The following DAAM2 variants were observed in gnomAD, a reference collection of about 807,000 sequenced individuals.
DAAM2 encodes the protein disheveled-associated activator of morphogenesis 2.
A neutral mutation model predicts 120.7 loss-of-function variants in DAAM2; 39 were observed. The ratio of observed to expected loss-of-function variants is 0.32; its 90% CI spans 0.25 to 0.42. The LOEUF is 0.42. Among genes scored for constraint, DAAM2 ranks in the 10% least tolerant of loss-of-function variants. DAAM2 has a pLI of 1.00. For synonymous variants in DAAM2, 488 were observed against 524.9 expected, an observed-to-expected ratio of 0.93 and a Z score of 0.96; for missense variants, 1,283 against 1,401.7, an observed-to-expected ratio of 0.92 and a Z score of 1.35.
chr6:39,811,750 A>C (rs913575), intron 1 of DAAM2, among the ~76,000 whole-genome samples: 121,275 of 152,058 alleles, frequency 0.8, 48,500 homozygotes, highest in East Asian at 0.91. Flanking sequence ...AGGTTACTAG[A>C]GCTCTTGGCA....
chr6:39,862,389 G>A (rs1764246912), intron 3 of DAAM2: 1 of 152,022 alleles, frequency 6.6e-6, no homozygotes, highest in African/African-American at 2.4e-5. Flanking sequence ...AAGAAGGAAG[G>A]AAGGAAAGAA....
intron 1 of DAAM2, among the ~76,000 whole-genome samples, chr6:39,837,663 C>CAAAAA (rs758751293): frequency 0.041 from 1,532 of 37,462 alleles, 64 homozygotes; most frequent in African/African-American, 0.08. Flanking sequence ...AACTCCATCT[C>CAAAAA]AAAAAAAAAA....
At chr6:39,866,036 C>A (rs1271806516) in intron 5 of DAAM2, among the ~76,000 whole-genome samples, 1 of 152,200 alleles carries the variant, frequency 6.6e-6, no homozygotes, top group East Asian at 1.9e-4. Flanking sequence ...TTCACCCTTC[C>A]CCTGGCGAAA....
chr6:39,853,205 T>C (rs1244615466), intron 1 of DAAM2, among the ~76,000 whole-genome samples: 2 of 152,146 alleles, frequency 1.3e-5, no homozygotes, highest in Non-Finnish European at 2.9e-5. Context: ...TACCATGAAG[T>C]GACCTGATTT....
intron 3 of DAAM2, 144 bp downstream of exon 3, chr6:39,861,161 T>G (rs916922486): frequency 2.7e-6 from 2 of 729,824 alleles, no homozygotes; most frequent in East Asian, 2.7e-5. Context: ...GTGAATAAAA[T>G]AGAAAAAGGA....
intron 1 of DAAM2, among the ~76,000 whole-genome samples, chr6:39,846,350 G>T (rs187380921): frequency 6.6e-6 from 1 of 152,164 alleles, no homozygotes; most frequent in African/African-American, 2.4e-5. Context: ...ATCATTTAAC[G>T]CCTCATATAC....
intron 1 of DAAM2, among the ~76,000 whole-genome samples, chr6:39,846,018 C>T (rs4291094): frequency 0.33 from 50,876 of 151,908 alleles, 9,336 homozygotes; most frequent in Non-Finnish European, 0.41. Flanking sequence ...CACGGGATCA[C>T]GTGGGGCTGG....
At chr6:39,850,769 A>G (rs903927969) in intron 1 of DAAM2, among the ~76,000 whole-genome samples, 1 of 152,214 alleles carries the variant, frequency 6.6e-6, no homozygotes, top group African/African-American at 2.4e-5. Flanking sequence ...GTACCTTGGA[A>G]GTGACCAGGG....
intron 2 of DAAM2, among the ~76,000 whole-genome samples, chr6:39,857,456 C>T (rs1442374918): frequency 1.3e-5 from 2 of 152,230 alleles, no homozygotes; most frequent in Non-Finnish European, 2.9e-5. Context: ...AGGTGTCCAG[C>T]TTCCTTGTCA....
chr6:39,818,871 C>T (rs886380027), intron 1 of DAAM2: 1 of 152,192 alleles, frequency 6.6e-6, no homozygotes, highest in Non-Finnish European at 1.5e-5. Context: ...CAAGCCTCTC[C>T]TGAGTGTGGG....
At chr6:39,813,386 T>G (rs1279791151) in intron 1 of DAAM2, among the ~76,000 whole-genome samples, 2 of 152,016 alleles carry the variant, frequency 1.3e-5, no homozygotes, top group Non-Finnish European at 2.9e-5. Context: ...CTAAGGTAAA[T>G]GAATAGGAAA....
intron 1 of DAAM2, among the ~76,000 whole-genome samples, chr6:39,807,618 G>T (rs1762046418): frequency 6.6e-6 from 1 of 152,198 alleles, no homozygotes; most frequent in Non-Finnish European, 1.5e-5. Context: ...CTGGGTTCAA[G>T]TGATTCTCCC....
chr6:39,862,902 T>C (rs1305696274), intron 3 of DAAM2: 3 of 151,180 alleles, frequency 2.0e-5, no homozygotes, highest in African/African-American at 7.3e-5. Context: ...CCCACACACT[T>C]TCACAACCTT....
chr6:39,883,265 C>T lies in DAAM2; in HGVS notation c.1846-697C>T, dbSNP rs1208119523. On this transcript the variant is annotated intron_variant, in intron 14 of 24. Transcript: ENST00000274867. ...GTCCTACACAGAGATGGGGCAAGGCCTAAATGGAGAGACCTTGGAATGTAA... is the reference window on the plus strand; with the variant it reads ...GTCCTACACAGAGATGGGGCAAGGCTTAAATGGAGAGACCTTGGAATGTAA... Among the ~76,000 whole-genome samples, 17 of 151,506 alleles carry T rather than the reference C, an allele frequency of 1.1e-4. No individual in the cohort carries two copies. In the East Asian group the frequency reaches 3.3e-3, roughly 29 times the overall value.
In DAAM2 at chr6:39,810,742, T is replaced by G. The variant is rs187391695; in HGVS notation, c.-57+18277T>G. Among the ~76,000 whole-genome samples, 4 of 152,326 alleles carry G rather than the reference T, an allele frequency of 2.6e-5. No individual in the cohort carries two copies. In the East Asian group the frequency reaches 7.7e-4, roughly 29 times the overall value. ...AAGTTAGACCTCACCCGAAACCACA[T>G]TCTTTCCCAGATCCCTCCCCTGCCT... On this transcript the variant is annotated intron_variant, in intron 1 of 24. Transcript: ENST00000274867.
chr6:39,882,580 C>G (rs1233027611), intron 14 of DAAM2, among the ~76,000 whole-genome samples: 1 of 152,048 alleles, frequency 6.6e-6, no homozygotes, highest in Non-Finnish European at 1.5e-5. Context: ...ACTGCTTCAG[C>G]CAGCGCCGTC....
rs1766581234 is a variant in DAAM2, at chr6:39,903,042, C to CA, written c.*1006dup. ...TTCATATAAATTGCTCAGGCCCTCC[C>CA]ACCCCTTCTCTAACACTAGCTTCAA... is the stretch of plus-strand genomic sequence containing the variant. On this transcript the variant is annotated 3_prime_UTR_variant, in exon 25 of 25. Transcript: ENST00000274867. 6.6e-6 allele frequency: 1 copy of CA among 152,296 alleles called. No individual in the cohort carries two copies. Among genetic ancestry groups the CA allele is most frequent in the South Asian group, 2.1e-4 (1 of 4,832 alleles). The allele number at this position is 152,296 out of a possible 1,614,324, so 9.4% of individuals were successfully genotyped here.
intron 22 of DAAM2, 57 bp downstream of exon 22, chr6:39,898,994 G>A (rs577297755): frequency 1.7e-5 from 24 of 1,415,216 alleles, no homozygotes; most frequent in Admixed American, 5.7e-5. Flanking sequence ...AACACTGTTC[G>A]TCACTGCACC....
chr6:39,893,775 T>A (rs777575193), intron 19 of DAAM2, among the ~76,000 whole-genome samples: 1 of 152,126 alleles, frequency 6.6e-6, no homozygotes, highest in South Asian at 2.1e-4. Context: ...ATCAGATCAG[T>A]GTGTGTGACT....
Sources: allele counts gnomAD v4.1 joint callset (sites outside exome capture counted in the v4.1 genomes callset), GRCh38; gene constraint gnomAD v4.1.1; transcripts MANE v1.5; gene names NCBI Gene and HGNC (gene_info 2026-07-23, HGNC 2026-07-21).